Variants in MOB3B observed in about 807,000 individuals in gnomAD.
MOB3B encodes the protein MOB kinase activator 3B.
MOB3B carries 7 observed loss-of-function variants against 18.7 expected under a neutral mutation model. The observed-to-expected ratio is 0.37, with a 90% confidence interval of 0.21 to 0.70. The LOEUF (loss-of-function observed/expected upper bound fraction) is 0.70. Among genes scored for constraint, MOB3B ranks in the 30% least tolerant of loss-of-function variants. The pLI is 0.52. For missense variants in MOB3B, 253 were observed against 281.3 expected (o/e 0.90, Z 0.72); for synonymous variants, 111 against 99.9 (o/e 1.11, Z -0.66).
intron 2 of MOB3B, among the ~76,000 whole-genome samples, chr9:27,388,684 T>G (rs1295716048): frequency 1.3e-5 from 2 of 152,084 alleles, no homozygotes; most frequent in Non-Finnish European, 2.9e-5. Flanking sequence ...TCGGAGATGA[T>G]TCTTCAAATT....
chr9:27,425,794 T>C (rs1822319670), intron 2 of MOB3B, among the ~76,000 whole-genome samples: 1 of 152,140 alleles, frequency 6.6e-6, no homozygotes, highest in Non-Finnish European at 1.5e-5. Flanking sequence ...CTTTCCCTTT[T>C]CCTAGCATCC....
Position 27,437,904 on chromosome 9 carries a change from G to A in MOB3B, c.418+17229C>T, listed in dbSNP as rs184575181. Among the ~76,000 whole-genome samples, 943 of 152,198 alleles carry A rather than the reference G, an allele frequency of 6.2e-3. 7 individuals carry two copies. Among genetic ancestry groups the A allele is most frequent in the Non-Finnish European group, 9.3e-3 (632 of 68,010 alleles). On this transcript the variant is annotated intron_variant, in intron 2 of 3. Transcript: ENST00000262244. Reference sequence around the variant, plus strand: ...TTTGCTAAATCCTATTCAAAACAAAGACACACCCAAAAGCTATGAAAGCAT... The same window carrying A: ...TTTGCTAAATCCTATTCAAAACAAAAACACACCCAAAAGCTATGAAAGCAT...
intron 2 of MOB3B, among the ~76,000 whole-genome samples, chr9:27,359,994 T>G (rs1183905242): frequency 1.3e-5 from 2 of 152,206 alleles, no homozygotes; most frequent in Non-Finnish European, 2.9e-5. Flanking sequence ...TTGTTTGAAT[T>G]CTTACTCTGC....
Position 27,449,910 on chromosome 9 carries a change from G to A in MOB3B, c.418+5223C>T, listed in dbSNP as rs545550296. ...GGAGAATCACTTGAACCTGGGAAGC[G>A]GAGGCTGCAGTGAGCCGAGATCATG... On this transcript the variant is annotated intron_variant, in intron 2 of 3. Transcript: ENST00000262244. Among the ~76,000 whole-genome samples the A allele has an allele frequency of 4.0e-5, 6 of 151,646 alleles. 1 individual carries two copies. Among genetic ancestry groups the A allele is most frequent in the Non-Finnish European group, 7.4e-5 (5 of 67,932 alleles).
intron 2 of MOB3B, among the ~76,000 whole-genome samples, chr9:27,370,170 G>A (rs1332399682): frequency 6.6e-6 from 1 of 152,048 alleles, no homozygotes; most frequent in Admixed American, 6.5e-5. Context: ...GAGGTGATTA[G>A]GTCATGAAGG....
chr9:27,360,607 C>T (rs1821261200), intron 2 of MOB3B, among the ~76,000 whole-genome samples: 1 of 152,208 alleles, frequency 6.6e-6, no homozygotes, highest in South Asian at 2.1e-4. Flanking sequence ...GAACTATGCA[C>T]GGCACATGCC....
chr9:27,488,661 G>A (rs906312489), intron 1 of MOB3B, among the ~76,000 whole-genome samples: 4 of 152,138 alleles, frequency 2.6e-5, no homozygotes, highest in Non-Finnish European at 2.9e-5. Context: ...ACCCATCTCC[G>A]CCTGCCAAAG....
At chr9:27,451,298 T>C (rs915992867) in intron 2 of MOB3B, among the ~76,000 whole-genome samples, 3 of 152,224 alleles carry the variant, frequency 2.0e-5, no homozygotes, top group Non-Finnish European at 2.9e-5. Flanking sequence ...TGGCCCTTGC[T>C]TCAGAATTTA....
chr9:27,393,302 A>G (rs958244985), intron 2 of MOB3B, among the ~76,000 whole-genome samples: 14 of 152,250 alleles, frequency 9.2e-5, no homozygotes, highest in Non-Finnish European at 1.9e-4. Flanking sequence ...AGAGGGCACA[A>G]AAATAACTTA....
intron 1 of MOB3B, among the ~76,000 whole-genome samples, chr9:27,510,228 T>C (rs1820122832): frequency 6.6e-6 from 1 of 152,220 alleles, no homozygotes; most frequent in African/African-American, 2.4e-5. Context: ...TTTTACAATA[T>C]AAAACATTTG....
chr9:27,417,769 A>AT lies in MOB3B; in HGVS notation c.418+37363_418+37364insA, dbSNP rs551378513. 1.2e-4 allele frequency among the ~76,000 whole-genome samples: 18 copies of AT among 152,224 alleles called. 2 individuals carry two copies. In the South Asian group the frequency reaches 3.7e-3, roughly 32 times the overall value. ...AACCCTCTGGGGTTAGAAAATAGAA[A>AT]CACAACCCTTTGGCCGGGTGCGGTG... is the stretch of plus-strand genomic sequence containing the variant. On this transcript the variant is annotated intron_variant, in intron 2 of 3. Transcript: ENST00000262244.
At chr9:27,509,944 C>CG (rs1327603781) in intron 1 of MOB3B, among the ~76,000 whole-genome samples, 1 of 152,158 alleles carries the variant, frequency 6.6e-6, no homozygotes, top group Non-Finnish European at 1.5e-5. Flanking sequence ...AGGCTGGTCT[C>CG]GAAGTCCTGA....
chr9:27,511,767 T>C lies in MOB3B; in HGVS notation c.-199+17788A>G, dbSNP rs1050088604. On this transcript the variant is annotated intron_variant, in intron 1 of 3. Coordinates refer to ENST00000262244, the MANE Select transcript of MOB3B (RefSeq NM_024761.5). ...AGGATTTTTTTTCTTTTAATCTCTA[T>C]TGGGCATCTATAATGTGCCCCATTA... Among the ~76,000 whole-genome samples, 4 of 152,202 alleles carry C rather than the reference T, an allele frequency of 2.6e-5. No homozygotes were observed. The South Asian group carries it at 6.2e-4, about 24-fold the overall frequency.
chr9:27,461,000 G>A (rs1468040244), intron 1 of MOB3B, among the ~76,000 whole-genome samples: 2 of 152,182 alleles, frequency 1.3e-5, no homozygotes, highest in African/African-American at 2.4e-5. Context: ...ATACCCTGAA[G>A]TAACAAGTCT....
intron 2 of MOB3B, chr9:27,421,062 T>A (rs1327723726): frequency 6.6e-6 from 1 of 152,290 alleles, no homozygotes; most frequent in Non-Finnish European, 1.5e-5. Flanking sequence ...GCACCCACCT[T>A]CTCCCTACAT....
chr9:27,465,207 TG>T (rs1819361028), intron 1 of MOB3B, among the ~76,000 whole-genome samples: 1 of 152,074 alleles, frequency 6.6e-6, no homozygotes, highest in Non-Finnish European at 1.5e-5. Flanking sequence ...GTACAGGTAT[TG>T]GGTAAATACA....
chr9:27,396,036 G>A (rs1250761788), intron 2 of MOB3B, among the ~76,000 whole-genome samples: 1 of 152,144 alleles, frequency 6.6e-6, no homozygotes, highest in Non-Finnish European at 1.5e-5. Context: ...CTGAGCACAA[G>A]GTGCCTGGCC....
chr9:27,389,424 A>G (rs1821694746), intron 2 of MOB3B, among the ~76,000 whole-genome samples: 2 of 151,968 alleles, frequency 1.3e-5, no homozygotes, highest in Non-Finnish European at 2.9e-5. Flanking sequence ...TTACTTGAAC[A>G]TGCCGAGAGC....
intron 2 of MOB3B, among the ~76,000 whole-genome samples, chr9:27,422,557 T>C (rs949876795): frequency 6.6e-6 from 1 of 152,250 alleles, no homozygotes; most frequent in African/African-American, 2.4e-5. Flanking sequence ...ATTTTATCTT[T>C]GTTTTCATGC....
Sources: allele counts gnomAD v4.1 joint callset (sites outside exome capture counted in the v4.1 genomes callset), GRCh38; gene constraint gnomAD v4.1.1; transcripts MANE v1.5; gene names NCBI Gene and HGNC (gene_info 2026-07-23, HGNC 2026-07-21).